The following DRC1 variants were observed in gnomAD, a reference collection of about 807,000 sequenced individuals.
The protein encoded by DRC1 is dynein regulatory complex protein 1.
Under a neutral mutation model 98.7 loss-of-function variants are expected in DRC1, and 74 were observed. The observed-to-expected ratio is 0.75, with a 90% confidence interval of 0.62 to 0.91. DRC1 has a LOEUF of 0.91. Ranked by LOEUF, DRC1 falls within the 40% of genes least tolerant of loss-of-function variation. DRC1 has a pLI of 0.00. For synonymous variants in DRC1, 336 were observed against 334.1 expected (o/e 1.01, Z -0.06); for missense variants, 875 against 886.0 (o/e 0.99, Z 0.16).
At chr2:26,435,778 A>G (rs1489181421) in intron 7 of DRC1, among the ~76,000 whole-genome samples, 1 of 151,984 alleles carries the variant, frequency 6.6e-6, no homozygotes, top group Non-Finnish European at 1.5e-5. Flanking sequence ...CTTTATGTCA[A>G]ACCGTATGAT....
intron 1 of DRC1, among the ~76,000 whole-genome samples, chr2:26,411,024 T>A (rs1455796833): frequency 6.6e-6 from 1 of 152,206 alleles, no homozygotes; most frequent in Non-Finnish European, 1.5e-5. Context: ...TTTTTTTAAA[T>A]CCTGAGAATT....
At chr2:26,415,793 C>T (rs1220732585) in intron 2 of DRC1, among the ~76,000 whole-genome samples, 1 of 152,060 alleles carries the variant, frequency 6.6e-6, no homozygotes, top group Non-Finnish European at 1.5e-5. Flanking sequence ...TTGGCTGGGC[C>T]TGGTGGCACA....
intron 1 of DRC1, among the ~76,000 whole-genome samples, chr2:26,408,771 AAAAAT>A (rs1157741828): frequency 6.6e-6 from 1 of 152,092 alleles, no homozygotes; most frequent in Non-Finnish European, 1.5e-5. Context: ...ACTCTGTCTC[AAAAAT>A]AAAATAAAAT....
intron 2 of DRC1, among the ~76,000 whole-genome samples, chr2:26,419,267 A>C (rs1283214180): frequency 6.6e-6 from 1 of 152,166 alleles, no homozygotes; most frequent in Admixed American, 6.5e-5. Context: ...CCTCCATTTA[A>C]ATGCTTTCCC....
At chr2:26,438,084 T>A (rs914625874) in intron 7 of DRC1, among the ~76,000 whole-genome samples, 1 of 102,948 alleles carries the variant, frequency 9.7e-6, no homozygotes, top group Non-Finnish European at 1.8e-5. Flanking sequence ...AAAGACTCTA[T>A]CTCAAAAAAA....
At position 26,426,674 on chromosome 2, in the gene DRC1, T is replaced by C. The variant is rs572952910; in HGVS notation, c.540+2220T>C. ...GAGCCACTGCGCCCAGCCTGTAGTA[T>C]GTTTTGAAACCAGGAAATGTGGGGC... On this transcript the variant is annotated intron_variant, in intron 4 of 16. Coordinates refer to ENST00000288710, the MANE Select transcript of DRC1 (RefSeq NM_145038.5). 5.3e-5 allele frequency among the ~76,000 whole-genome samples: 8 copies of C among 152,286 alleles called. No individual in the cohort carries two copies. The South Asian group carries it at 1.5e-3, about 28-fold the overall frequency.
intron 3 of DRC1, among the ~76,000 whole-genome samples, chr2:26,423,141 C>T (rs943540843): frequency 3.3e-5 from 5 of 152,084 alleles, no homozygotes; most frequent in Admixed American, 6.5e-5. Flanking sequence ...CCAGCAGGGT[C>T]AGCTTGTGAA....
chr2:26,416,073 T>A (rs978420493), intron 2 of DRC1, among the ~76,000 whole-genome samples: 3 of 152,120 alleles, frequency 2.0e-5, no homozygotes, highest in African/African-American at 7.2e-5. Context: ...AGAGATAATA[T>A]TGTTTTCATT....
chr2:26,414,818 T>A (rs1678743971), intron 2 of DRC1, among the ~76,000 whole-genome samples: 1 of 152,146 alleles, frequency 6.6e-6, no homozygotes, highest in South Asian at 2.1e-4. Flanking sequence ...TGGGGTTTTG[T>A]TCATTTCTGC....
At chr2:26,448,397 G>T in intron 10 of DRC1, 1 of 568,924 alleles carries the variant, frequency 1.8e-6, no homozygotes, top group Non-Finnish European at 3.4e-6. Context: ...CCTGGTTCAT[G>T]GCTGGATTTT....
In DRC1 at chr2:26,424,466, G is replaced by C; in HGVS notation, c.540+12G>C. On this transcript the variant is annotated intron_variant, in intron 4 of 16. Coordinates refer to ENST00000288710, the MANE Select transcript of DRC1 (RefSeq NM_145038.5). ...GCGAGTTACAGCAGGCAAGAGGCCCGGGCCCTCCAGCCCAGCCACAGGGGA... is the reference window on the plus strand; with the variant it reads ...GCGAGTTACAGCAGGCAAGAGGCCCCGGCCCTCCAGCCCAGCCACAGGGGA... 1 of 1,597,924 alleles carries C rather than the reference G, an allele frequency of 6.3e-7. No individual in the cohort carries two copies. The highest frequency in any genetic ancestry group is 8.6e-7 in the Non-Finnish European group (1 of 1,168,814).
intron 4 of DRC1, among the ~76,000 whole-genome samples, chr2:26,427,611 A>G (rs1323227382): frequency 6.6e-6 from 1 of 152,176 alleles, no homozygotes; most frequent in Non-Finnish European, 1.5e-5. Flanking sequence ...TTTAAAATGT[A>G]CAATAAATCT....
Position 26,454,656 on chromosome 2 carries a change from G to A in DRC1, c.1929G>A (p.Arg643=), listed in dbSNP as rs1483065303. The A allele has an allele frequency of 1.2e-6, 2 of 1,614,092 alleles. No homozygotes were observed. The highest frequency in any genetic ancestry group is 2.7e-5 in the African/African-American group (2 of 75,014). Residue 643 remains arginine, a synonymous_variant, in exon 15 of 17, where the codon CGG becomes CGA. Coordinates refer to ENST00000288710, the MANE Select transcript of DRC1 (RefSeq NM_145038.5). The surrounding 1 kb of genome is among the most constrained non-coding windows in gnomAD (Gnocchi z 5.2). Reference sequence around the variant, plus strand: ...TGCTCTTGGCCTTCAGGGACTCGCGGGCCCCGCTGAGGGTACAGAAGAATG... The same window carrying A: ...TGCTCTTGGCCTTCAGGGACTCGCGAGCCCCGCTGAGGGTACAGAAGAATG... ...VMGLKKPRDS[R]APLRVQKNVR... is the part of the protein sequence containing the mutation.
chr2:26,456,556 A>T lies in DRC1; in HGVS notation c.*39A>T, dbSNP rs1453449070. On this transcript the variant is annotated 3_prime_UTR_variant, in exon 17 of 17. Coordinates refer to ENST00000288710, the MANE Select transcript of DRC1 (RefSeq NM_145038.5). ...AGGCTGATGTGTTAGGGCTGGCCTGATGCTGGTGTCTGTGCCGGAGCCAGC... is the reference window on the plus strand; with the variant it reads ...AGGCTGATGTGTTAGGGCTGGCCTGTTGCTGGTGTCTGTGCCGGAGCCAGC... 38 of 1,611,882 alleles carry T rather than the reference A, an allele frequency of 2.4e-5. No individual in the cohort carries two copies. The highest frequency in any genetic ancestry group is 5.3e-5 in the African/African-American group (4 of 74,920).
chr2:26,454,918 C>T lies in DRC1; in HGVS notation c.2063+128C>T. 1 of 1,488,646 alleles carries T rather than the reference C, an allele frequency of 6.7e-7. No individual in the cohort carries two copies. The highest frequency in any genetic ancestry group is 9.2e-7 in the Non-Finnish European group (1 of 1,086,910). 92.2% of individuals were successfully genotyped at this position (1,488,646 alleles called of 1,614,324 possible). On this transcript the variant is annotated intron_variant, in intron 15 of 16. Coordinates refer to ENST00000288710, the MANE Select transcript of DRC1 (RefSeq NM_145038.5). This position sits in a 1 kb window ranked among gnomAD's most constrained non-coding sequence, Gnocchi z 5.2. Reference sequence around the variant, plus strand: ...AGGGAAGAGCTGCCCTTGGCATCTCCTGTGTGGGTGGATCATGTGGGGCAG... The same window carrying T: ...AGGGAAGAGCTGCCCTTGGCATCTCTTGTGTGGGTGGATCATGTGGGGCAG...
At chr2:26,402,254 A>T (rs1358848524) in intron 1 of DRC1, 110 bp downstream of exon 1, 18 of 1,423,276 alleles carry the variant, frequency 1.3e-5, no homozygotes, top group Non-Finnish European at 1.6e-5. Context: ...AGAGTATGGG[A>T]AAGTAAAACG....
chr2:26,436,238 CAT>C (rs1206038099), intron 7 of DRC1, among the ~76,000 whole-genome samples: 2 of 151,638 alleles, frequency 1.3e-5, no homozygotes, highest in African/African-American at 2.4e-5. Context: ...ATCATTTTGT[CAT>C]ATGTTTGTTG....
Position 26,454,850 on chromosome 2 carries a change from G to A in DRC1, c.2063+60G>A, listed in dbSNP as rs1664101281. 1 of 1,606,834 alleles carries A rather than the reference G, an allele frequency of 6.2e-7. No homozygotes were observed. The highest frequency in any genetic ancestry group is 2.2e-5 in the East Asian group (1 of 44,794). ...GCGGGCAGGTGAGGAACGGTTGTTG[G>A]GAGCAGCCGCGTTTGCTGCCTCCCT... On this transcript the variant is annotated intron_variant, in intron 15 of 16. Transcript: ENST00000288710. This position sits in a 1 kb window ranked among gnomAD's most constrained non-coding sequence, Gnocchi z 5.2.
intron 1 of DRC1, among the ~76,000 whole-genome samples, chr2:26,411,528 A>G (rs1678609706): frequency 6.6e-6 from 1 of 151,778 alleles, no homozygotes; most frequent in Admixed American, 6.6e-5. Context: ...GCTAAGCAGT[A>G]AAAAATGATG....
Sources: allele counts gnomAD v4.1 joint callset (sites outside exome capture counted in the v4.1 genomes callset), GRCh38; gene constraint gnomAD v4.1.1; non-coding constraint Gnocchi (gnomAD v3.1); transcripts MANE v1.5; gene names NCBI Gene and HGNC (gene_info 2026-07-23, HGNC 2026-07-21).